PCDH11X: variants seen among roughly 807,000 people sequenced by gnomAD.
The protein encoded by PCDH11X is protocadherin-11 X-linked.
In PCDH11X, 18 loss-of-function variants were observed where a neutral mutation model predicts 53.3. That is an observed-to-expected ratio of 0.34 (90% CI 0.23 to 0.50). The LOEUF (loss-of-function observed/expected upper bound fraction) is 0.50, where lower values mean the gene tolerates loss of function less well. Among genes scored for constraint, PCDH11X ranks in the 20% least tolerant of loss-of-function variants. The pLI, the probability that PCDH11X is intolerant of heterozygous loss-of-function variation, is 0.98. For synonymous variants in PCDH11X, 279 were observed against 393.3 expected, an observed-to-expected ratio of 0.71 and a Z score of 3.44; for missense variants, 570 against 1,032.4, an observed-to-expected ratio of 0.55 and a Z score of 6.14.
intron 8 of PCDH11X, among the ~76,000 whole-genome samples, chrX:92,274,736 G>T (rs1469768306): frequency 9.0e-6 from 1 of 110,829 alleles, no homozygotes; most frequent in Admixed American, 9.6e-5. Context: ...GAAATGAGAG[G>T]TTCTGAGAGG....
intron 10 of PCDH11X, among the ~76,000 whole-genome samples, chrX:92,511,753 A>G (rs2074165209): frequency 9.0e-6 from 1 of 111,387 alleles, no homozygotes; most frequent in Admixed American, 9.6e-5. Context: ...ATTTTTTAGG[A>G]AACAATTCAG....
intron 6 of PCDH11X, among the ~76,000 whole-genome samples, chrX:92,173,248 G>A (rs2065851059): frequency 9.0e-6 from 1 of 111,627 alleles, no homozygotes; most frequent in South Asian, 3.7e-4. Context: ...TGGTAAACTT[G>A]TCCTTGAAAA....
intron 8 of PCDH11X, among the ~76,000 whole-genome samples, chrX:92,369,849 T>G (rs773471775): frequency 1.7e-3 from 185 of 109,125 alleles, no homozygotes; most frequent in Non-Finnish European, 3.1e-3. Context: ...CCAGTTCCAA[T>G]GAGATGAACT....
intron 6 of PCDH11X, among the ~76,000 whole-genome samples, chrX:91,980,524 C>T (rs1363796014): frequency 9.0e-6 from 1 of 111,235 alleles, no homozygotes; most frequent in Non-Finnish European, 1.9e-5. Context: ...GGCTGTAGTG[C>T]AGTGGCATGA....
chrX:92,462,481 G>C (rs763051770), intron 9 of PCDH11X, among the ~76,000 whole-genome samples: 1 of 111,184 alleles, frequency 9.0e-6, no homozygotes, highest in African/African-American at 3.3e-5. Flanking sequence ...GTATTAAAAG[G>C]TATGAAATGT....
intron 7 of PCDH11X, among the ~76,000 whole-genome samples, chrX:92,216,111 A>G (rs2066704386): frequency 9.1e-6 from 1 of 109,590 alleles, no homozygotes; most frequent in Admixed American, 9.8e-5. Flanking sequence ...GGGAAAAAAT[A>G]GAGCAGAAAA....
intron 8 of PCDH11X, among the ~76,000 whole-genome samples, chrX:92,293,666 G>T (rs1196590321): frequency 2.8e-5 from 3 of 107,757 alleles, no homozygotes; most frequent in Non-Finnish European, 5.7e-5. Context: ...ATGTTCCAAA[G>T]ACTATTTTGG....
intron 9 of PCDH11X, among the ~76,000 whole-genome samples, chrX:92,463,707 G>A (rs879043832): frequency 9.0e-6 from 1 of 111,389 alleles, no homozygotes; most frequent in Non-Finnish European, 1.9e-5. Flanking sequence ...TTTGAAGCGC[G>A]TAAACACTGT....
chrX:92,578,938 C>A, intron 10 of PCDH11X, among the ~76,000 whole-genome samples: 1 of 111,292 alleles, frequency 9.0e-6, no homozygotes, highest in Non-Finnish European at 1.9e-5. Flanking sequence ...CAAGGGAGAC[C>A]TAATGGTGAT....
chrX:92,254,517 T>C (rs1203166355), intron 7 of PCDH11X, among the ~76,000 whole-genome samples: 3 of 108,831 alleles, frequency 2.8e-5, no homozygotes, highest in Non-Finnish European at 5.7e-5. Context: ...CGTTAGTTGA[T>C]GCAGTTTCTT....
chrX:92,193,073 T>C (rs2066228076), intron 6 of PCDH11X, among the ~76,000 whole-genome samples: 1 of 111,974 alleles, frequency 8.9e-6, no homozygotes, highest in Non-Finnish European at 1.9e-5. Flanking sequence ...TTTATAGTTA[T>C]GGGCAGACTT....
intron 7 of PCDH11X, among the ~76,000 whole-genome samples, chrX:92,216,553 GA>G (rs1350252111): frequency 9.4e-6 from 1 of 106,699 alleles, no homozygotes; most frequent in East Asian, 2.9e-4. Flanking sequence ...GAGACTATGT[GA>G]AAAGACCAAA....
At chrX:92,468,197 G>T (rs987022895) in intron 9 of PCDH11X, 102 bp from the exon 10 acceptor site, 15 of 915,560 alleles carry the variant, frequency 1.6e-5, no homozygotes, top group Non-Finnish European at 2.0e-5. Flanking sequence ...AAAATATATT[G>T]CAATACCTTA....
Position 91,789,141 on chromosome X carries a change from G to GC in PCDH11X, c.-379+9458dup, listed in dbSNP as rs541663079. Among the ~76,000 whole-genome samples the GC allele has an allele frequency of 7.0e-5, 7 of 99,295 alleles. No individual in the cohort carries two copies. In the South Asian group the frequency reaches 3.5e-3, roughly 50 times the overall value. The allele number at this position is 99,295 out of a possible 115,157, so 86.2% of individuals were successfully genotyped here. On this transcript the variant is annotated intron_variant, in intron 1 of 10. Coordinates refer to ENST00000682573, the MANE Select transcript of PCDH11X (RefSeq NM_032968.5). ...CCCTTGAACCCGCGAGGCGGAGATT[G>GC]CAGTGAGCCGAGATCGCGCCACTAC...
intron 6 of PCDH11X, among the ~76,000 whole-genome samples, chrX:91,889,379 C>A (rs1940373755): frequency 9.0e-6 from 1 of 111,095 alleles, no homozygotes; most frequent in Non-Finnish European, 1.9e-5. Flanking sequence ...AGTGCAGTGG[C>A]CTGATCTCAG....
intron 8 of PCDH11X, among the ~76,000 whole-genome samples, chrX:92,289,900 T>C (rs2068457915): frequency 8.9e-6 from 1 of 111,759 alleles, no homozygotes; most frequent in African/African-American, 3.2e-5. Context: ...AAGCTTATCA[T>C]TTGTTCATAT....
chrX:92,578,181 A>T (rs1247375602), intron 10 of PCDH11X, among the ~76,000 whole-genome samples: 1 of 92,471 alleles, frequency 1.1e-5, no homozygotes, highest in African/African-American at 4.2e-5. Flanking sequence ...GGACACAGGG[A>T]GGGGAACATC....
intron 6 of PCDH11X, among the ~76,000 whole-genome samples, chrX:91,937,852 A>G (rs1294380373): frequency 1.8e-5 from 2 of 111,302 alleles, no homozygotes; most frequent in Admixed American, 9.6e-5. Context: ...TATAGCTCAT[A>G]CAATTGAATT....
intron 6 of PCDH11X, among the ~76,000 whole-genome samples, chrX:91,931,798 G>A (rs1395226491): frequency 9.1e-6 from 1 of 110,390 alleles, no homozygotes; most frequent in Admixed American, 9.7e-5. Flanking sequence ...AGAAAAATAC[G>A]TCATTATACT....
Sources: allele counts gnomAD v4.1 joint callset (sites outside exome capture counted in the v4.1 genomes callset), GRCh38; gene constraint gnomAD v4.1.1; transcripts MANE v1.5; gene names NCBI Gene and HGNC (gene_info 2026-07-23, HGNC 2026-07-21).